Variants in ATP2B2 observed in about 807,000 individuals in gnomAD.
ATP2B2 encodes ATPase plasma membrane Ca2+ transporting 2.
A neutral mutation model predicts 120.0 loss-of-function variants in ATP2B2; 15 were observed. That is an observed-to-expected ratio of 0.12 (90% CI 0.08 to 0.19). The LOEUF (loss-of-function observed/expected upper bound fraction) is 0.19. Among genes scored for constraint, ATP2B2 ranks in the 10% least tolerant of loss-of-function variants. The pLI is 1.00. For synonymous variants in ATP2B2, 694 were observed against 700.3 expected, an observed-to-expected ratio of 0.99 and a Z score of 0.14; for missense variants, 1,045 against 1,719.8, an observed-to-expected ratio of 0.61 and a Z score of 6.94.
chr3:10,701,590 C>CTATGT (rs2071819940), intron 1 of ATP2B2, among the ~76,000 whole-genome samples: 1 of 151,846 alleles, frequency 6.6e-6, no homozygotes, highest in Non-Finnish European at 1.5e-5. Flanking sequence ...TAACCACCTA[C>CTATGT]TATGTGCCCA....
At chr3:10,465,353 A>G (rs2064689988) in intron 1 of ATP2B2, among the ~76,000 whole-genome samples, 1 of 152,256 alleles carries the variant, frequency 6.6e-6, no homozygotes, top group Admixed American at 6.5e-5. Context: ...TCAGCCTTGC[A>G]GTTGCCTTCT....
rs868218470 is a variant in ATP2B2, at chr3:10,343,355, C to T, written c.2704-390G>A. 1.3e-5 allele frequency among the ~76,000 whole-genome samples: 2 copies of T among 151,482 alleles called. No individual in the cohort carries two copies. The highest frequency in any genetic ancestry group is 3.4e-3 in the Middle Eastern group (1 of 290). ...GGCTCCTACCTCCTCCCCCCACTGC[C>T]TCCTCCCCCTCGGGCTTTCTATCCT... On this transcript the variant is annotated intron_variant, in intron 18 of 22. Coordinates refer to ENST00000360273, the MANE Select transcript of ATP2B2 (RefSeq NM_001001331.4). The surrounding 1 kb of genome is among the most constrained non-coding windows in gnomAD (Gnocchi z 4.2).
rs2060304033 is a variant in ATP2B2, at chr3:10,342,396, A to G, written c.2917+356T>C. ...CACGGGGCCAGGATAAGGTGCTGGA[A>G]TGGGTCAGAGAAGGGGTGAGTCACT... On this transcript the variant is annotated intron_variant, in intron 19 of 22. Transcript: ENST00000360273. The surrounding 1 kb of genome is among the most constrained non-coding windows in gnomAD (Gnocchi z 4.4). Among the ~76,000 whole-genome samples the G allele has an allele frequency of 6.6e-6, 1 of 152,142 alleles. No homozygotes were observed. Among genetic ancestry groups the G allele is most frequent in the African/African-American group, 2.4e-5 (1 of 41,446 alleles).
intron 3 of ATP2B2, among the ~76,000 whole-genome samples, chr3:10,407,213 G>T (rs552804014): frequency 2.6e-5 from 4 of 152,170 alleles, no homozygotes; most frequent in Non-Finnish European, 5.9e-5. Context: ...TGTGTACCTG[G>T]CTAGCATCAG....
At chr3:10,356,353 C>G (rs963237922) in intron 14 of ATP2B2, among the ~76,000 whole-genome samples, 1 of 152,094 alleles carries the variant, frequency 6.6e-6, no homozygotes, top group Admixed American at 6.5e-5. Flanking sequence ...TCACTCAAAC[C>G]TCAAGTCATG....
intron 1 of ATP2B2, among the ~76,000 whole-genome samples, chr3:10,706,278 C>A (rs1015590819): frequency 1.3e-5 from 2 of 152,178 alleles, no homozygotes; most frequent in Non-Finnish European, 2.9e-5. Context: ...TGACCTCGCA[C>A]AGAGGTGTGG....
intron 2 of ATP2B2, among the ~76,000 whole-genome samples, chr3:10,588,650 C>T (rs2068571326): frequency 6.6e-6 from 1 of 152,182 alleles, no homozygotes; most frequent in Admixed American, 6.5e-5. Context: ...AGGATCTCAA[C>T]CCACGTATCT....
intron 2 of ATP2B2, among the ~76,000 whole-genome samples, chr3:10,568,069 G>T (rs2068047150): frequency 6.6e-6 from 1 of 152,228 alleles, no homozygotes; most frequent in African/African-American, 2.4e-5. Flanking sequence ...GCTGGAGCAG[G>T]CTCTGTCCCT....
intron 11 of ATP2B2, among the ~76,000 whole-genome samples, chr3:10,374,061 C>T (rs1197176271): frequency 2.0e-5 from 3 of 152,132 alleles, no homozygotes; most frequent in Non-Finnish European, 4.4e-5. Flanking sequence ...TGTAAAAGTA[C>T]CTAACTTTAA....
At chr3:10,359,859 C>T (rs1301723339) in intron 13 of ATP2B2, 23 bp downstream of exon 13, 1 of 1,614,112 alleles carries the variant, frequency 6.2e-7, no homozygotes, top group East Asian at 2.2e-5. Flanking sequence ...GCCCTCAGCC[C>T]CGGTGCCCTG....
At chr3:10,610,873 GCATGCCAAGAGACTGTGT>G (rs887574610) in intron 2 of ATP2B2, among the ~76,000 whole-genome samples, 1 of 152,172 alleles carries the variant, frequency 6.6e-6, no homozygotes, top group African/African-American at 2.4e-5. Flanking sequence ...TGCAGCCCTG[GCATGCCAAGAGACTGTGT>G]CAAGCCCAGC....
rs1376114417 is a variant in ATP2B2, at chr3:10,465,186, C to T, written c.-319-15324G>A. Among the ~76,000 whole-genome samples, 3 of 152,248 alleles carry T rather than the reference C, an allele frequency of 2.0e-5. No individual in the cohort carries two copies. In the East Asian group the frequency reaches 5.8e-4, roughly 29 times the overall value. ...AAGTAGGTTCAAGTCCTGCCCAGAT[C>T]CCTCAGCCAGAACGTTTAAGAGTTC... On this transcript the variant is annotated intron_variant, in intron 1 of 22. Coordinates refer to ENST00000360273, the MANE Select transcript of ATP2B2 (RefSeq NM_001001331.4).
chr3:10,444,738 G>A (rs558454361), intron 2 of ATP2B2, among the ~76,000 whole-genome samples: 1 of 152,336 alleles, frequency 6.6e-6, no homozygotes, highest in African/African-American at 2.4e-5. Context: ...GGCTGTGTGT[G>A]CAATGGCTCA....
chr3:10,696,127 G>T (rs2071738785), intron 1 of ATP2B2, among the ~76,000 whole-genome samples: 1 of 152,136 alleles, frequency 6.6e-6, no homozygotes, highest in Non-Finnish European at 1.5e-5. Flanking sequence ...ATGAAACACG[G>T]TGTTTGCAGA....
intron 1 of ATP2B2, among the ~76,000 whole-genome samples, chr3:10,479,129 A>G (rs1432416695): frequency 2.0e-5 from 3 of 152,094 alleles, no homozygotes; most frequent in Non-Finnish European, 4.4e-5. Flanking sequence ...ATAGTTCTTT[A>G]TATCAGTGTG....
Position 10,427,371 on chromosome 3 carries a change from G to A in ATP2B2, c.200-16556C>T, listed in dbSNP as rs75449727. On this transcript the variant is annotated intron_variant, in intron 2 of 22. Transcript: ENST00000360273. ...GGTCATCACACGAATTCGGACTCTCGGCATCTCCCATCTGGCTATTCCTAC... is the reference window on the plus strand; with the variant it reads ...GGTCATCACACGAATTCGGACTCTCAGCATCTCCCATCTGGCTATTCCTAC... Among the ~76,000 whole-genome samples, 627 of 152,188 alleles carry A rather than the reference G, an allele frequency of 4.1e-3. 3 individuals are homozygous for A. Among genetic ancestry groups the A allele is most frequent in the African/African-American group, 0.015 (603 of 41,504 alleles).
chr3:10,534,389 T>C (rs1022304274), intron 2 of ATP2B2, among the ~76,000 whole-genome samples: 1 of 152,236 alleles, frequency 6.6e-6, no homozygotes, highest in East Asian at 1.9e-4. Flanking sequence ...TGTCTGATAC[T>C]GGGAAGGTTG....
chr3:10,328,701 C>G lies in ATP2B2; in HGVS notation c.*113G>C, dbSNP rs959523931. ...GGTTTTCTCTCCAGTATTTGGTTTC[C>G]GATTGTTGCTCGTTGCTGCTTGGGT... On this transcript the variant is annotated 3_prime_UTR_variant, in exon 23 of 23. Coordinates refer to ENST00000360273, the MANE Select transcript of ATP2B2 (RefSeq NM_001001331.4). 7.4e-5 allele frequency: 85 copies of G among 1,150,944 alleles called. No individual in the cohort carries two copies. The highest frequency in any genetic ancestry group is 2.8e-5 in the Admixed American group (1 of 36,238). The allele number at this position is 1,150,944 out of a possible 1,614,324, so 71.3% of individuals were successfully genotyped here.
At chr3:10,543,688 A>T (rs1228560940) in intron 2 of ATP2B2, among the ~76,000 whole-genome samples, 10 of 152,052 alleles carry the variant, frequency 6.6e-5, no homozygotes, top group Admixed American at 2.6e-4. Flanking sequence ...TAGTATTGTA[A>T]ATTTGGAGAG....
Sources: gnomAD v4.1 joint callset for allele counts (sites outside exome capture counted in the v4.1 genomes callset) on GRCh38, gnomAD v4.1.1 for gene constraint, Gnocchi (gnomAD v3.1) non-coding constraint, MANE v1.5 for transcripts, NCBI Gene and HGNC (gene_info 2026-07-23, HGNC 2026-07-21) for gene names.